Variants in PNPLA5 observed in about 807,000 individuals in gnomAD.
PNPLA5 encodes patatin-like phospholipase domain-containing protein 5.
PNPLA5 carries 44 observed loss-of-function variants against 49.1 expected under a neutral mutation model. That is an observed-to-expected ratio of 0.90 (90% CI 0.70 to 1.15). The LOEUF (loss-of-function observed/expected upper bound fraction) is 1.15, where lower values mean the gene tolerates loss of function less well. Among genes scored for constraint, PNPLA5 ranks in the 50% most tolerant of loss-of-function variants. The pLI is 0.00. For synonymous variants in PNPLA5, 243 were observed against 244.4 expected, an observed-to-expected ratio of 0.99 and a Z score of 0.06; for missense variants, 603 against 564.0, an observed-to-expected ratio of 1.07 and a Z score of -0.70.
In PNPLA5 at chr22:43,880,779, G is replaced by T; in HGVS notation, c.*16C>A. On this transcript the variant is annotated 3_prime_UTR_variant, in exon 9 of 9. Transcript: ENST00000216177. Reference sequence around the variant, plus strand: ...TCAAGGGACACCAGTCACTGGGCTGGCCCTGCTCGGCCCCCTCAGGCCTGG... The same window carrying T: ...TCAAGGGACACCAGTCACTGGGCTGTCCCTGCTCGGCCCCCTCAGGCCTGG... 1 of 1,321,256 alleles carries T rather than the reference G, an allele frequency of 7.6e-7. No homozygotes were observed. Among genetic ancestry groups the T allele is most frequent in the Non-Finnish European group, 9.7e-7 (1 of 1,030,040 alleles). 81.8% of individuals were successfully genotyped at this position (1,321,256 alleles called of 1,614,324 possible). A position where few individuals can be genotyped will look rare whatever the true frequency, so the allele number is the denominator to read the frequency against.
intron 7 of PNPLA5, among the ~76,000 whole-genome samples, chr22:43,883,126 C>T (rs1478460636): frequency 1.3e-5 from 2 of 152,236 alleles, no homozygotes; most frequent in African/African-American, 4.8e-5. Flanking sequence ...GAACATTCTC[C>T]TTGTCCTCTT....
At position 43,889,592 on chromosome 22, in the gene PNPLA5, C is replaced by T. The variant is rs1282767154; in HGVS notation, c.493-54G>A. On this transcript the variant is annotated intron_variant, in intron 3 of 8. Coordinates refer to ENST00000216177, the MANE Select transcript of PNPLA5 (RefSeq NM_138814.4). ...TGCTGCCCTCTCAGAGGGCCTCCCA[C>T]ACTGGCTGCAGCCGGTGACCCTCCA... 6 of 1,553,470 alleles carry T rather than the reference C, an allele frequency of 3.9e-6. No homozygotes were observed. In the East Asian group the frequency reaches 1.4e-4, roughly 35 times the overall value.
intron 7 of PNPLA5, among the ~76,000 whole-genome samples, chr22:43,882,841 A>C (rs2049623786): frequency 6.6e-6 from 1 of 152,168 alleles, no homozygotes; most frequent in Non-Finnish European, 1.5e-5. Context: ...CCTGTGGTTC[A>C]CCATCATAGA....
In PNPLA5 at chr22:43,889,796, C is replaced by A; in HGVS notation, c.492+3G>T. 6.2e-7 allele frequency: 1 copy of A among 1,612,070 alleles called. No individual in the cohort carries two copies. ...ACAGAACGGGGTTCCAGAGTGCACT[C>A]ACCTCCCCTCTGAACTCGGGGGGGA... On this transcript the variant is annotated splice_donor_region_variant and intron_variant, in intron 3 of 8. Coordinates refer to ENST00000216177, the MANE Select transcript of PNPLA5 (RefSeq NM_138814.4).
Position 43,880,674 on chromosome 22 carries a change from G to T in PNPLA5, c.*121C>A. The T allele has an allele frequency of 2.0e-6, 2 of 1,014,476 alleles. No individual in the cohort carries two copies. The highest frequency in any genetic ancestry group is 1.3e-6 in the Non-Finnish European group (1 of 785,924). The allele number at this position is 1,014,476 out of a possible 1,614,324, so 62.8% of individuals were successfully genotyped here. ...CGCCCCAAGGAACGGGCTCCAAGCT[G>T]CAGGGTCTCCACGGAGATTGGCAGG... On this transcript the variant is annotated 3_prime_UTR_variant, in exon 9 of 9. Transcript: ENST00000216177.
At chr22:43,890,124 C>G in intron 2 of PNPLA5, 1 of 977,162 alleles carries the variant, frequency 1.0e-6, no homozygotes. Context: ...AGGAAGCCAG[C>G]CGGGGACCCC....
In PNPLA5 at chr22:43,891,561, G is replaced by C. The variant is rs553568593; in HGVS notation, c.193+127C>G. Reference sequence around the variant, plus strand: ...GTCCCCAGCACTCGGTGTTCTCATGGGATTAAATGAGGCTGTGCCGGGGGT... The same window carrying C: ...GTCCCCAGCACTCGGTGTTCTCATGCGATTAAATGAGGCTGTGCCGGGGGT... On this transcript the variant is annotated intron_variant, in intron 1 of 8. Transcript: ENST00000216177. 8.3e-6 allele frequency: 11 copies of C among 1,324,104 alleles called. 1 individual carries two copies. In the South Asian group the frequency reaches 1.7e-4, roughly 21 times the overall value. The allele number at this position is 1,324,104 out of a possible 1,614,324, so 82.0% of individuals were successfully genotyped here.
rs2049665609 is a variant in PNPLA5 at position 43,886,435 on chromosome 22, G to A, written c.817C>T (p.Pro273Ser). 6.2e-7 allele frequency: 1 copy of A among 1,613,994 alleles called. No individual in the cohort carries two copies. The highest frequency in any genetic ancestry group is 8.5e-7 in the Non-Finnish European group (1 of 1,180,010). Residue 273 changes from proline to serine, a missense_variant, in exon 6 of 9, where the codon CCG (proline) becomes TCG (serine). Pro to Ser is a moderately conservative substitution (Grantham distance 74, BLOSUM62 -1). Coordinates refer to ENST00000216177, the MANE Select transcript of PNPLA5 (RefSeq NM_138814.4). The stretch of plus-strand genomic sequence containing the variant: ...CCAGCATCCCAGTTTCCGTCAGCCG[G>A]GGCTGGGGGTTCCTTAGACACCAGC... ...WTLVSKEPPA[P>S]ADGNWDAGCD... is the part of the protein sequence containing the mutation.
In PNPLA5 at chr22:43,884,273, A is replaced by T; in HGVS notation, c.1022T>A (p.Leu341Gln). The change falls in exon 7 of 9, where the codon CTG (leucine) becomes CAG (glutamine). Residue 341 changes from leucine to glutamine, a missense_variant. Physicochemically the swap from Leu to Gln is moderately radical, Grantham distance 113. Transcript: ENST00000216177. ...RFWHSGPGQV[L>Q]TYLLLPCTLP... ...TGTGCAGGGTAGCAGCAGGTACGTC[A>T]GCACCTGTCCAGGCCCCGAGTGCCA... 3.1e-6 allele frequency: 5 copies of T among 1,599,158 alleles called. No homozygotes were observed. The highest frequency in any genetic ancestry group is 4.3e-6 in the Non-Finnish European group (5 of 1,172,716).
intron 7 of PNPLA5, among the ~76,000 whole-genome samples, chr22:43,882,380 C>G (rs867359392): frequency 2.0e-5 from 3 of 152,168 alleles, no homozygotes; most frequent in East Asian, 3.9e-4. Context: ...AAGCCCTGGC[C>G]GGACACCTCA....
intron 5 of PNPLA5, 168 bp from the exon 6 acceptor site, chr22:43,886,656 C>G (rs2049668375): frequency 5.4e-5 from 52 of 962,772 alleles, no homozygotes; most frequent in Non-Finnish European, 6.3e-5. Flanking sequence ...CCTGGCCCTG[C>G]TCTGCCCTGC....
chr22:43,882,912 C>T (rs370138430), intron 7 of PNPLA5, among the ~76,000 whole-genome samples: 5 of 152,188 alleles, frequency 3.3e-5, no homozygotes, highest in African/African-American at 9.7e-5. Context: ...TGCTTAAACC[C>T]TTCCCAGCCT....
At chr22:43,887,500 C>T (rs2049677789) in intron 5 of PNPLA5, 91 bp downstream of exon 5, 3 of 1,443,680 alleles carry the variant, frequency 2.1e-6, no homozygotes, top group Non-Finnish European at 2.9e-6. Flanking sequence ...TGAGTTAGCC[C>T]ATGTCCCTAG....
chr22:43,891,750 C>A lies in PNPLA5; in HGVS notation c.131G>T (p.Arg44Leu), dbSNP rs566943182. Reference sequence around the variant, plus strand: ...CGCCCCAGACGAGGAACCGTAGATGCGGCGGGCGCCCTGGAGGAGGCGCGG... The same window carrying A: ...CGCCCCAGACGAGGAACCGTAGATGAGGCGGGCGCCCTGGAGGAGGCGCGG... Reference protein sequence around the residue: ...RAPRLLQGARRIYGSSSGALN... With the variant: ...RAPRLLQGARLIYGSSSGALN... The change falls in exon 1 of 9, where the codon CGC becomes CTC. Residue 44 changes from arginine to leucine, a missense_variant. Coordinates refer to ENST00000216177, the MANE Select transcript of PNPLA5 (RefSeq NM_138814.4). 2 of 1,542,290 alleles carry A rather than the reference C, an allele frequency of 1.3e-6. No homozygotes were observed. The highest frequency in any genetic ancestry group is 2.5e-5 in the East Asian group (1 of 40,338).
intron 7 of PNPLA5, among the ~76,000 whole-genome samples, chr22:43,882,213 C>T (rs866597568): frequency 2.6e-5 from 4 of 152,356 alleles, no homozygotes; most frequent in Middle Eastern, 3.4e-3. Flanking sequence ...CTGACAGAGC[C>T]CCCTCTTGCT....
In PNPLA5 at chr22:43,887,608, C is replaced by A; in HGVS notation, c.746G>T (p.Arg249Met). 6.2e-7 allele frequency: 1 copy of A among 1,610,286 alleles called. No homozygotes were observed. The highest frequency in any genetic ancestry group is 2.2e-5 in the East Asian group (1 of 44,848). ...CCACCTACCACGTCTCTCCAGGAAC[C>A]TCAGGGCATCCAGGTAGCCTTGTCT... ...NCRQGYLDAL[R>M]FLERRGLTKE... Residue 249 changes from arginine to methionine, a missense_variant, in exon 5 of 9, where the codon AGG (arginine) becomes ATG (methionine). Coordinates refer to ENST00000216177, the MANE Select transcript of PNPLA5 (RefSeq NM_138814.4).
chr22:43,883,978 A>T (rs576236965), intron 7 of PNPLA5, among the ~76,000 whole-genome samples: 2 of 152,194 alleles, frequency 1.3e-5, no homozygotes, highest in South Asian at 4.2e-4. Context: ...CCGACCAGGA[A>T]GCCCCCGACT....
In PNPLA5 at chr22:43,891,730, C is replaced by G. The variant is rs754058865; in HGVS notation, c.151G>C (p.Gly51Arg). ...ACGATGCTGACTGCGTTGAGCGCCC[C>G]AGACGAGGAACCGTAGATGCGGCGG... is the stretch of plus-strand genomic sequence containing the variant. ...GARRIYGSSS[G>R]ALNAVSIVCG... The change falls in exon 1 of 9, where the codon GGG becomes CGG. Residue 51 changes from glycine (G) to arginine (R), a missense_variant. Physicochemically the swap from Gly to Arg is moderately radical, Grantham distance 125. Coordinates refer to ENST00000216177, the MANE Select transcript of PNPLA5 (RefSeq NM_138814.4). 11 of 1,547,900 alleles carry G rather than the reference C, an allele frequency of 7.1e-6. No individual in the cohort carries two copies. The highest frequency in any genetic ancestry group is 9.6e-6 in the Non-Finnish European group (11 of 1,146,018).
In PNPLA5 at chr22:43,889,751, C is replaced by T. The variant is rs773205278; in HGVS notation, c.492+48G>A. On this transcript the variant is annotated intron_variant, in intron 3 of 8. Coordinates refer to ENST00000216177, the MANE Select transcript of PNPLA5 (RefSeq NM_138814.4). ...CACCCAAGCACCTCTCCACGGTGTGCACCCCAGGCTGCCCAGAGCACAGAA... is the reference window on the plus strand; with the variant it reads ...CACCCAAGCACCTCTCCACGGTGTGTACCCCAGGCTGCCCAGAGCACAGAA... 1.4e-5 allele frequency: 22 copies of T among 1,589,328 alleles called. No homozygotes were observed. The Admixed American group carries it at 3.5e-4, about 25-fold the overall frequency.
Sources: allele counts gnomAD v4.1 joint callset (sites outside exome capture counted in the v4.1 genomes callset), GRCh38; gene constraint gnomAD v4.1.1; transcripts MANE v1.5; gene names NCBI Gene and HGNC (gene_info 2026-07-23, HGNC 2026-07-21).